The following LTB4R variants were observed in gnomAD, a reference collection of about 807,000 sequenced individuals.
The protein encoded by LTB4R is leukotriene B4 receptor, also known as leukotriene B4 receptor 1.
For missense variants in LTB4R, 470 were observed against 485.6 expected, an observed-to-expected ratio of 0.97 and a Z score of 0.30; for synonymous variants, 250 against 230.7, an observed-to-expected ratio of 1.08 and a Z score of -0.76.
At position 24,316,347 on chromosome 14, in the gene LTB4R, C is replaced by T. The variant is rs761810548; in HGVS notation, c.696C>T (p.Ala232=). 2 of 1,596,664 alleles carry T rather than the reference C, an allele frequency of 1.3e-6. No homozygotes were observed. Among genetic ancestry groups the T allele is most frequent in the East Asian group, 4.5e-5 (2 of 44,658 alleles). Residue 232 remains alanine (A), a synonymous_variant, in exon 2 of 2, where the codon GCC becomes GCT. Coordinates refer to ENST00000345363, the MANE Select transcript of LTB4R (RefSeq NM_001143919.3). ...LVVLIILTFA[A]FWLPYHVVNL... ...TGCTCATCATCCTGACCTTCGCCGC[C>T]TTCTGGCTGCCCTACCACGTGGTGA...
At chr14:24,314,434 T>C (rs866478391) in intron 1 of LTB4R, 2 of 152,178 alleles carry the variant, frequency 1.3e-5, no homozygotes, top group Admixed American at 6.5e-5. Context: ...TGATGTGCCC[T>C]CTTTAAATCA....
Position 24,316,116 on chromosome 14 carries a change from C to T in LTB4R, c.465C>T (p.Tyr155=). 2 of 1,613,692 alleles carry T rather than the reference C, an allele frequency of 1.2e-6. No individual in the cohort carries two copies. The highest frequency in any genetic ancestry group is 1.7e-6 in the Non-Finnish European group (2 of 1,180,048). Residue 155 remains tyrosine, a synonymous_variant, in exon 2 of 2, where the codon TAC becomes TAT. Transcript: ENST00000345363. ...SFLLATPVLA[Y]RTVVPWKTNM... ...TGCTGGCCACACCCGTCCTCGCGTA[C>T]CGCACAGTAGTGCCCTGGAAAACGA... is the stretch of plus-strand genomic sequence containing the variant.
Position 24,311,645 on chromosome 14 carries a change from C to G in LTB4R, c.-175C>G, listed in dbSNP as rs767438477. ...GCTCTAGGGAAGGGACCATGGAGCT[C>G]CGAACTACCCCTCAGCTGAAAGTGG... On this transcript the variant is annotated 5_prime_UTR_variant, in exon 1 of 2. Coordinates refer to ENST00000345363, the MANE Select transcript of LTB4R (RefSeq NM_001143919.3). The G allele has an allele frequency of 3.0e-5, 48 of 1,613,156 alleles. No homozygotes were observed. The highest frequency in any genetic ancestry group is 3.6e-5 in the Non-Finnish European group (43 of 1,179,788).
rs2041789623 is a variant in LTB4R, at chr14:24,317,734, C to T, written c.*1024C>T. The T allele has an allele frequency of 6.0e-6, 1 of 166,888 alleles. No individual in the cohort carries two copies. The highest frequency in any genetic ancestry group is 2.4e-5 in the African/African-American group (1 of 41,374). The allele number at this position is 166,888 out of a possible 1,614,324, so 10.3% of individuals were successfully genotyped here. A position where few individuals can be genotyped will look rare whatever the true frequency, so the allele number is the denominator to read the frequency against. ...CAAGGTTTGACATACTCCCATGGAC[C>T]CCAAAGTATGAGCCAGTGAGAATGA... On this transcript the variant is annotated 3_prime_UTR_variant, in exon 2 of 2. Transcript: ENST00000345363.
chr14:24,315,649 G>T lies in LTB4R; in HGVS notation c.-3G>T. 5.6e-6 allele frequency: 9 copies of T among 1,611,854 alleles called. No homozygotes were observed. The highest frequency in any genetic ancestry group is 7.6e-6 in the Non-Finnish European group (9 of 1,178,644). ...CCTCACTCTCCAGGTCCTCCCGACGGCCATGAACACTACATCTTCTGCAGC... is the reference window on the plus strand; with the variant it reads ...CCTCACTCTCCAGGTCCTCCCGACGTCCATGAACACTACATCTTCTGCAGC... On this transcript the variant is annotated 5_prime_UTR_variant, in exon 2 of 2. Coordinates refer to ENST00000345363, the MANE Select transcript of LTB4R (RefSeq NM_001143919.3).
chr14:24,316,542 C>T lies in LTB4R; in HGVS notation c.891C>T (p.Gly297=). 1 of 1,439,190 alleles carries T rather than the reference C, an allele frequency of 6.9e-7. No individual in the cohort carries two copies. Among genetic ancestry groups the T allele is most frequent in the Non-Finnish European group, 9.1e-7 (1 of 1,104,020 alleles). 89.2% of individuals were successfully genotyped at this position (1,439,190 alleles called of 1,614,324 possible). A position where few individuals can be genotyped will look rare whatever the true frequency, so the allele number is the denominator to read the frequency against. The change falls in exon 2 of 2, where the codon GGC becomes GGT. Residue 297 remains glycine (G), a synonymous_variant. Coordinates refer to ENST00000345363, the MANE Select transcript of LTB4R (RefSeq NM_001143919.3). ...GCGGCGGCCTGCTGCGCTCGGCGGG[C>T]GTGGGCTTCGTCGCCAAGCTGCTGG... The part of the protein sequence containing the change: ...CAGGGLLRSA[G]VGFVAKLLEG...
Position 24,311,793 on chromosome 14 carries a change from C to T in LTB4R, c.-27C>T, listed in dbSNP as rs775331426. On this transcript the variant is annotated 5_prime_UTR_variant, in exon 1 of 2. Coordinates refer to ENST00000345363, the MANE Select transcript of LTB4R (RefSeq NM_001143919.3). ...TCCCTGTCCCTTTCCACCCCCCACC[C>T]ACCCTCCAGAGGTCAGTGTTCTGGG... 1 of 1,447,994 alleles carries T rather than the reference C, an allele frequency of 6.9e-7. No individual in the cohort carries two copies. Among genetic ancestry groups the T allele is most frequent in the South Asian group, 1.4e-5 (1 of 73,414 alleles). The allele number at this position is 1,447,994 out of a possible 1,614,324, so 89.7% of individuals were successfully genotyped here. A position where few individuals can be genotyped will look rare whatever the true frequency, so the allele number is the denominator to read the frequency against.
rs200942984 is a variant in LTB4R at position 24,316,515 on chromosome 14, C to T, written c.864C>T (p.Ala288=). ...TGAACCCCGTGCTGTACGCGTGCGC[C>T]GGCGGCGGCCTGCTGCGCTCGGCGG... ...SSVNPVLYAC[A]GGGLLRSAGV... The change falls in exon 2 of 2, where the codon GCC becomes GCT. Residue 288 remains alanine, a synonymous_variant. Transcript: ENST00000345363. The T allele has an allele frequency of 4.5e-4, 672 of 1,481,786 alleles. 3 individuals carry two copies. The African/African-American group carries it at 8.8e-3, about 19-fold the overall frequency. 91.8% of individuals were successfully genotyped at this position (1,481,786 alleles called of 1,614,324 possible). A position where few individuals can be genotyped will look rare whatever the true frequency, so the allele number is the denominator to read the frequency against.
chr14:24,315,540 C>G (rs1263105996), intron 1 of LTB4R, 97 bp from the exon 2 acceptor site: 1 of 743,508 alleles, frequency 1.3e-6, no homozygotes, highest in African/African-American at 1.8e-5. Context: ...GCTGCTGACC[C>G]TGGAGATAGA....
chr14:24,316,331 T>G lies in LTB4R; in HGVS notation c.680T>G (p.Ile227Ser). Reference protein sequence around the residue: ...RRTGRLVVLIILTFAAFWLPY... With the variant: ...RRTGRLVVLISLTFAAFWLPY... ...ACCGGCCGCCTGGTGGTGCTCATCA[T>G]CCTGACCTTCGCCGCCTTCTGGCTG... is the stretch of plus-strand genomic sequence containing the variant. The change falls in exon 2 of 2, where the codon ATC becomes AGC. Residue 227 changes from isoleucine (I) to serine (S), a missense_variant. By Grantham distance (142) the Ile-to-Ser change is moderately radical. Transcript: ENST00000345363. The G allele has an allele frequency of 6.3e-7, 1 of 1,598,838 alleles. No homozygotes were observed. The highest frequency in any genetic ancestry group is 1.1e-5 in the South Asian group (1 of 90,260).
chr14:24,316,352 G>A lies in LTB4R; in HGVS notation c.701G>A (p.Trp234Ter), dbSNP rs1223523776. 6.3e-7 allele frequency: 1 copy of A among 1,596,448 alleles called. No homozygotes were observed. Among genetic ancestry groups the A allele is most frequent in the African/African-American group, 1.3e-5 (1 of 74,580 alleles). ...ATCATCCTGACCTTCGCCGCCTTCTGGCTGCCCTACCACGTGGTGAACCTG... is the reference window on the plus strand; with the variant it reads ...ATCATCCTGACCTTCGCCGCCTTCTAGCTGCCCTACCACGTGGTGAACCTG... ...VLIILTFAAF[W>*]LPYHVVNLAE... Residue 234 changes from tryptophan to a stop codon, truncating the protein, a stop_gained, in exon 2 of 2, where the codon TGG (tryptophan) becomes TAG (stop). Coordinates refer to ENST00000345363, the MANE Select transcript of LTB4R (RefSeq NM_001143919.3). LOFTEE classifies it low-confidence loss of function (END_TRUNC).
At chr14:24,314,472 C>T (rs2041752131) in intron 1 of LTB4R, 1 of 152,270 alleles carries the variant, frequency 6.6e-6, no homozygotes, top group Non-Finnish European at 1.5e-5. Context: ...AACCCAGACC[C>T]AGGACCTAGT....
chr14:24,314,277 A>G (rs1017875940), intron 1 of LTB4R: 3 of 152,196 alleles, frequency 2.0e-5, no homozygotes, highest in Admixed American at 6.5e-5. Flanking sequence ...TCTACCAAAG[A>G]GAATGGAGAA....
At position 24,312,155 on chromosome 14, in the gene LTB4R, TG is replaced by T. The variant is rs34632333; in HGVS notation, c.-16+352del. The T allele has an allele frequency of 4.1e-5, 7 of 169,438 alleles. No individual in the cohort carries two copies. In the East Asian group the frequency reaches 1.2e-3, roughly 29 times the overall value. The allele number at this position is 169,438 out of a possible 1,614,324, so 10.5% of individuals were successfully genotyped here. ...GCAGTGCCAGCCTTCAGTGGCATCT[TG>T]ACCTGCCCTCCTCAGCCCAGGTGCC... On this transcript the variant is annotated intron_variant, in intron 1 of 1. Transcript: ENST00000345363.
In LTB4R at chr14:24,311,548, T is replaced by A; in HGVS notation, c.-272T>A. 6.2e-7 allele frequency: 1 copy of A among 1,607,352 alleles called. No individual in the cohort carries two copies. The highest frequency in any genetic ancestry group is 2.2e-5 in the East Asian group (1 of 44,860). On this transcript the variant is annotated 5_prime_UTR_variant, in exon 1 of 2. Coordinates refer to ENST00000345363, the MANE Select transcript of LTB4R (RefSeq NM_001143919.3). ...CTCTACGTCTTCACCGCTGGAGATC[T>A]GCTGCCCCGGGCAGGTCCCCGTTTC...
At chr14:24,315,404 A>G (rs946175822) in intron 1 of LTB4R, among the ~76,000 whole-genome samples, 4 of 152,146 alleles carry the variant, frequency 2.6e-5, no homozygotes, top group African/African-American at 9.7e-5. Context: ...ATATTTTGCA[A>G]TTGGGTCTGT....
Position 24,316,486 on chromosome 14 carries a change from A to G in LTB4R, c.835A>G (p.Ser279Gly). 4 of 1,555,988 alleles carry G rather than the reference A, an allele frequency of 2.6e-6. No individual in the cohort carries two copies. The highest frequency in any genetic ancestry group is 3.5e-6 in the Non-Finnish European group (4 of 1,153,028). The stretch of plus-strand genomic sequence containing the variant: ...CATCGCACTCGCCTTCCTGAGCAGC[A>G]GCGTGAACCCCGTGCTGTACGCGTG... ...VLIALAFLSS[S>G]VNPVLYACAG... The change falls in exon 2 of 2, where the codon AGC (serine) becomes GGC (glycine). Residue 279 changes from serine to glycine, a missense_variant. Coordinates refer to ENST00000345363, the MANE Select transcript of LTB4R (RefSeq NM_001143919.3).
chr14:24,315,822 G>A lies in LTB4R; in HGVS notation c.171G>A (p.Val57=). 1.9e-6 allele frequency: 3 copies of A among 1,614,250 alleles called. No homozygotes were observed. Among genetic ancestry groups the A allele is most frequent in the South Asian group, 1.1e-5 (1 of 91,088 alleles). The change falls in exon 2 of 2, where the codon GTG becomes GTA. Residue 57 remains valine (V), a synonymous_variant. Coordinates refer to ENST00000345363, the MANE Select transcript of LTB4R (RefSeq NM_001143919.3). ...AGCGCTCTGTCACTGCCCTGATGGT[G>A]CTGAACCTGGCCCTGGCCGACCTGG... ...MQKRSVTALM[V]LNLALADLAV...
chr14:24,314,152 C>G (rs1452639236), intron 1 of LTB4R: 1 of 152,186 alleles, frequency 6.6e-6, no homozygotes, highest in East Asian at 1.9e-4. Flanking sequence ...TTGCCCAGAT[C>G]ATAAATCCAG....
Sources: allele counts gnomAD v4.1 joint callset (sites outside exome capture counted in the v4.1 genomes callset), GRCh38; gene constraint gnomAD v4.1.1; transcripts MANE v1.5; gene names NCBI Gene and HGNC (gene_info 2026-07-23, HGNC 2026-07-21).